The following TRIM37 variants were observed in gnomAD, a reference collection of about 807,000 sequenced individuals.
The protein encoded by TRIM37 is tripartite motif containing 37, also known as E3 ubiquitin-protein ligase TRIM37.
In TRIM37, 80 loss-of-function variants were observed where a neutral mutation model predicts 129.8. The observed-to-expected ratio is 0.62, with a 90% CI of 0.51 to 0.74. TRIM37 has a LOEUF of 0.74. TRIM37 is among the 30% of genes least tolerant of loss of function. The probability of loss-of-function intolerance (pLI) is 0.00; values close to 1 mark genes in which losing one functional copy is unlikely to be tolerated. For missense variants in TRIM37, 1,054 were observed against 1,176.5 expected (o/e 0.90, Z 1.52); for synonymous variants, 389 against 387.1 (o/e 1.00, Z -0.06).
intron 3 of TRIM37, 107 bp from the exon 4 acceptor site, chr17:59,088,514 A>C: frequency 1.3e-6 from 1 of 767,216 alleles, no homozygotes; most frequent in Non-Finnish European, 2.2e-6. Context: ...ATACCATAAC[A>C]CTATTTTTTT....
At position 59,049,157 on chromosome 17, in the gene TRIM37, TA is replaced by T. The variant is rs1447861804; in HGVS notation, c.1530+20del. Reference sequence around the variant, plus strand: ...TTTTTTTTAATCAAACACAAAAATCTAAAACTGGCCTCATTATTACATGATA... The same window carrying T: ...TTTTTTTTAATCAAACACAAAAATCTAAACTGGCCTCATTATTACATGATA... On this transcript the variant is annotated intron_variant, in intron 15 of 23. Coordinates refer to ENST00000262294, the MANE Select transcript of TRIM37 (RefSeq NM_015294.6). 7 of 1,600,950 alleles carry T rather than the reference TA, an allele frequency of 4.4e-6. No homozygotes were observed. The East Asian group carries it at 1.3e-4, about 31-fold the overall frequency.
chr17:59,071,516 A>G (rs1437124288), intron 8 of TRIM37, among the ~76,000 whole-genome samples: 1 of 151,956 alleles, frequency 6.6e-6, no homozygotes, highest in Non-Finnish European at 1.5e-5. Flanking sequence ...TGAACTCCTG[A>G]CCTCATGATC....
chr17:59,046,276 G>A (rs575773567), intron 16 of TRIM37, among the ~76,000 whole-genome samples: 74 of 152,216 alleles, frequency 4.9e-4, no homozygotes, highest in Non-Finnish European at 9.3e-4. Flanking sequence ...AAAGGAAAAA[G>A]TACAAATTTT....
intron 22 of TRIM37, among the ~76,000 whole-genome samples, chr17:59,003,646 A>T (rs893206380): frequency 3.5e-4 from 28 of 79,742 alleles, no homozygotes; most frequent in African/African-American, 1.4e-3. Flanking sequence ...GAGTCTTATT[A>T]AAAAAAAAAA....
chr17:58,994,633 T>C (rs1444176213), downstream of TRIM37, among the ~76,000 whole-genome samples: 1 of 152,154 alleles, frequency 6.6e-6, no homozygotes, highest in East Asian at 1.9e-4. Flanking sequence ...ATGCAAACAC[T>C]ATACCGTTTT....
In TRIM37 at chr17:58,992,815, G is replaced by C. The variant is rs189206598; in HGVS notation, c.2891+6566C>G. Among the ~76,000 whole-genome samples the C allele has an allele frequency of 7.4e-4, 112 of 152,254 alleles. 1 individual carries two copies. The highest frequency in any genetic ancestry group is 1.3e-3 in the Non-Finnish European group (88 of 68,006). The stretch of plus-strand genomic sequence containing the variant: ...CAGCATTTCTGGTGTAGCCAGCCCC[G>C]ATCCTGAGTCATCTCATTAGCATAC... On this transcript the variant is annotated intron_variant, in intron 24 of 24. Coordinates refer to the TRIM37 transcript ENST00000393066.
At chr17:58,972,806 C>T in the TRIM37 span, 7 of 1,575,470 alleles carry the variant, frequency 4.4e-6, no homozygotes, top group Non-Finnish European at 6.1e-6. Context: ...CAGTTATTTG[C>T]TTCTTTTTAT....
intron 3 of TRIM37, among the ~76,000 whole-genome samples, chr17:59,089,021 G>A (rs1210931783): frequency 6.6e-6 from 1 of 152,114 alleles, no homozygotes; most frequent in Admixed American, 6.6e-5. Flanking sequence ...CAGCACTTTG[G>A]GAGGCTGAGG....
At chr17:59,012,047 C>T (rs1358552360) in intron 22 of TRIM37, among the ~76,000 whole-genome samples, 3 of 152,110 alleles carry the variant, frequency 2.0e-5, no homozygotes, top group Non-Finnish European at 2.9e-5. Flanking sequence ...CTAGTAAGGC[C>T]TGTCCTTTTA....
At chr17:59,043,577 C>A (rs1474952660) in intron 16 of TRIM37, among the ~76,000 whole-genome samples, 3 of 152,144 alleles carry the variant, frequency 2.0e-5, no homozygotes, top group Non-Finnish European at 4.4e-5. Context: ...TCATTCTGCC[C>A]CCAGCTACCT....
intron 5 of TRIM37, among the ~76,000 whole-genome samples, chr17:59,082,587 C>T (rs2043395020): frequency 6.6e-6 from 1 of 152,166 alleles, no homozygotes; most frequent in African/African-American, 2.4e-5. Flanking sequence ...CACAGAGTTA[C>T]TACAGAGACA....
intron 6 of TRIM37, 111 bp from the exon 7 acceptor site, chr17:59,079,988 G>A: frequency 1.6e-6 from 2 of 1,273,560 alleles, no homozygotes; most frequent in East Asian, 2.5e-5. Context: ...GTTAGAGGAA[G>A]GTCAAATGGA....
intron 1 of TRIM37, 21 bp downstream of exon 1, chr17:59,106,420 C>A: frequency 6.2e-7 from 1 of 1,614,048 alleles, no homozygotes; most frequent in Non-Finnish European, 8.5e-7. Flanking sequence ...GGACTAACCA[C>A]CACCCTCACA....
intron 9 of TRIM37, among the ~76,000 whole-genome samples, chr17:59,066,026 C>T (rs1314576234): frequency 4.6e-5 from 7 of 152,176 alleles, no homozygotes; most frequent in African/African-American, 1.7e-4. Flanking sequence ...CATTCCTCAT[C>T]CCCATATCCT....
At chr17:59,100,840 T>G (rs752771233) in intron 2 of TRIM37, among the ~76,000 whole-genome samples, 1 of 152,066 alleles carries the variant, frequency 6.6e-6, no homozygotes, top group Admixed American at 6.6e-5. Context: ...CTGACCAACA[T>G]GGTGAAACCC....
chr17:58,980,144 A>G, downstream of TRIM37: 1 of 1,614,176 alleles, frequency 6.2e-7, no homozygotes, highest in Non-Finnish European at 8.5e-7. The surrounding 1 kb of genome is among the most constrained non-coding windows in gnomAD (Gnocchi z 4.7). Flanking sequence ...TAATGGAGAC[A>G]GCAGCATGGT....
chr17:58,983,598 T>G (rs1320971416), intron 24 of TRIM37: 1 of 152,662 alleles, frequency 6.6e-6, no homozygotes, highest in Non-Finnish European at 1.5e-5. Context: ...GTGTACCTGG[T>G]GATTGTAAAA....
At chr17:58,983,007 T>A in intron 24 of TRIM37, 1 of 1,259,966 alleles carries the variant, frequency 7.9e-7, no homozygotes, top group South Asian at 1.4e-5. Context: ...AAAAGCTTTT[T>A]AAAATTTCTA....
At position 59,049,228 on chromosome 17, in the gene TRIM37, C is replaced by T. The variant is rs1254803978; in HGVS notation, c.1480G>A (p.Ala494Thr). 1 of 1,614,072 alleles carries T rather than the reference C, an allele frequency of 6.2e-7. No individual in the cohort carries two copies. The highest frequency in any genetic ancestry group is 1.3e-5 in the African/African-American group (1 of 75,006). ...GGPTTASVRE[A>T]KEDEEDEEKI... The stretch of plus-strand genomic sequence containing the variant: ...TCCTCATCTTCTTCATCCTCTTTGG[C>T]CTCTCTTACAGAAGCTGTAGTAGGA... The change falls in exon 15 of 24, where the codon GCC becomes ACC. Residue 494 changes from alanine (A) to threonine (T), a missense_variant. Transcript: ENST00000262294.
Sources: gnomAD v4.1 joint callset for allele counts (sites outside exome capture counted in the v4.1 genomes callset) on GRCh38, gnomAD v4.1.1 for gene constraint, Gnocchi (gnomAD v3.1) non-coding constraint, MANE v1.5 for transcripts, NCBI Gene and HGNC (gene_info 2026-07-23, HGNC 2026-07-21) for gene names.